The following PIAS4 variants were observed in gnomAD, a reference collection of about 807,000 sequenced individuals.
The protein encoded by PIAS4 is protein inhibitor of activated STAT 4.
A neutral mutation model predicts 58.0 loss-of-function variants in PIAS4; 7 were observed. The observed-to-expected ratio is 0.12, with a 90% CI of 0.07 to 0.23. PIAS4 has a LOEUF of 0.23. Ranked by LOEUF, PIAS4 falls within the 10% of genes least tolerant of loss-of-function variation. PIAS4 has a pLI of 1.00. For synonymous variants in PIAS4, 364 were observed against 312.4 expected (o/e 1.17, Z -1.74); for missense variants, 550 against 709.5 (o/e 0.78, Z 2.55).
Position 4,033,164 on chromosome 19 carries a change from C to T in PIAS4, c.972C>T (p.Leu324=). 6.2e-7 allele frequency: 1 copy of T among 1,610,076 alleles called. No individual in the cohort carries two copies. Among genetic ancestry groups the T allele is most frequent in the East Asian group, 2.2e-5 (1 of 44,862 alleles). Residue 324 remains leucine (L), a synonymous_variant, in exon 8 of 11, where the codon CTC becomes CTT. Coordinates refer to ENST00000262971, the MANE Select transcript of PIAS4 (RefSeq NM_015897.4). ...EIATTGVRVS[L]ICPLVKMRLS... is the part of the protein sequence containing the mutation. ...CCACCACCGGTGTGCGGGTGTCCCT[C>T]ATCTGTCCGGTGAGTCGGGGCGCGG... is the stretch of plus-strand genomic sequence containing the variant.
chr19:4,016,165 C>T (rs552410991), intron 2 of PIAS4, among the ~76,000 whole-genome samples: 23 of 152,352 alleles, frequency 1.5e-4, no homozygotes, highest in Middle Eastern at 3.4e-3. Flanking sequence ...TTCCAGCCTG[C>T]GCCACCTGGG....
intron 7 of PIAS4, among the ~76,000 whole-genome samples, chr19:4,029,399 C>T (rs1183350205): frequency 1.3e-5 from 2 of 152,098 alleles, no homozygotes; most frequent in Admixed American, 1.3e-4. Flanking sequence ...TCTAAGCAGC[C>T]CCTTCTCGTT....
At chr19:4,024,192 A>G (rs2040139791) in intron 3 of PIAS4, 72 bp downstream of exon 3, 1 of 1,144,658 alleles carries the variant, frequency 8.7e-7, no homozygotes. Flanking sequence ...CACTGGGGAG[A>G]GCCGGCAGCC....
intron 9 of PIAS4, among the ~76,000 whole-genome samples, chr19:4,036,744 C>G (rs2144947340): frequency 6.7e-6 from 1 of 148,290 alleles, no homozygotes; most frequent in South Asian, 2.1e-4. Flanking sequence ...CCATCACATG[C>G]ACACACACAT....
chr19:4,025,946 C>T (rs1183481463), intron 3 of PIAS4, among the ~76,000 whole-genome samples: 4 of 151,078 alleles, frequency 2.6e-5, no homozygotes, highest in Non-Finnish European at 5.9e-5. Flanking sequence ...TGGTGACGGG[C>T]GCCTGTAGTC....
intron 3 of PIAS4, among the ~76,000 whole-genome samples, chr19:4,024,336 G>A (rs1319947012): frequency 6.6e-6 from 1 of 152,242 alleles, no homozygotes; most frequent in Non-Finnish European, 1.5e-5. Context: ...GTGCCCTGCA[G>A]CCTGCTAGAG....
chr19:4,034,012 C>T lies in PIAS4; in HGVS notation c.1142+432C>T, dbSNP rs983229760. On this transcript the variant is annotated intron_variant, in intron 9 of 10. Transcript: ENST00000262971. ...CTGGAGCACTCTGGCTACGCCATGC[C>T]CTTCCCTTCCTAGGTGGCACAGCTG... is the stretch of plus-strand genomic sequence containing the variant. Among the ~76,000 whole-genome samples, 4 of 152,212 alleles carry T rather than the reference C, an allele frequency of 2.6e-5. No homozygotes were observed. In the East Asian group the frequency reaches 7.7e-4, roughly 29 times the overall value.
intron 1 of PIAS4, among the ~76,000 whole-genome samples, chr19:4,012,651 A>G (rs1345418200): frequency 6.6e-6 from 1 of 152,132 alleles, no homozygotes; most frequent in Non-Finnish European, 1.5e-5. Context: ...GAAGACAGGG[A>G]AAGAGAACCT....
intron 2 of PIAS4, chr19:4,017,692 T>TTTC (rs1326342754): frequency 6.7e-6 from 1 of 149,060 alleles, no homozygotes; most frequent in Non-Finnish European, 1.5e-5. Context: ...TTTTTTTTTT[T>TTTC]TTTTTTTGAG....
intron 7 of PIAS4, among the ~76,000 whole-genome samples, chr19:4,031,454 G>A (rs1193699321): frequency 6.6e-6 from 1 of 152,194 alleles, no homozygotes; most frequent in African/African-American, 2.4e-5. Context: ...GGGACACTGA[G>A]GCACAGAGTG....
intron 4 of PIAS4, 60 bp from the exon 5 acceptor site, chr19:4,028,450 A>G (rs981575667): frequency 1.6e-6 from 2 of 1,247,328 alleles, no homozygotes; most frequent in African/African-American, 3.0e-5. Context: ...GTACCCCCGC[A>G]GCAGCCTAGT....
rs954712134 is a variant in PIAS4, at chr19:4,013,987, G to A, written c.454+638G>A. Among the ~76,000 whole-genome samples, 2 of 152,176 alleles carry A rather than the reference G, an allele frequency of 1.3e-5. No homozygotes were observed. The highest frequency in any genetic ancestry group is 2.4e-5 in the African/African-American group (1 of 41,442). ...CCAGGCTGTGACTGCCAGGGCCAGGGGTGACCAGGGCCACCTGGGAGCCTG... is the reference window on the plus strand; with the variant it reads ...CCAGGCTGTGACTGCCAGGGCCAGGAGTGACCAGGGCCACCTGGGAGCCTG... On this transcript the variant is annotated intron_variant, in intron 2 of 10. Transcript: ENST00000262971. This position sits in a 1 kb window ranked among gnomAD's most constrained non-coding sequence, Gnocchi z 5.1.
chr19:4,025,070 A>T (rs1247955568), intron 3 of PIAS4, among the ~76,000 whole-genome samples: 1 of 152,198 alleles, frequency 6.6e-6, no homozygotes, highest in African/African-American at 2.4e-5. Context: ...GGCGGAAGTC[A>T]GGTTTTTTCC....
At chr19:4,014,778 G>A (rs1364749881) in intron 2 of PIAS4, among the ~76,000 whole-genome samples, 2 of 152,182 alleles carry the variant, frequency 1.3e-5, no homozygotes, top group Non-Finnish European at 2.9e-5. Context: ...TTGGGTGCCA[G>A]CTGGCCCCCG....
chr19:4,013,374 GCGACTGGAGGCTT>G lies in PIAS4; in HGVS notation c.454+27_454+39del. On this transcript the variant is annotated intron_variant, in intron 2 of 10. Coordinates refer to ENST00000262971, the MANE Select transcript of PIAS4 (RefSeq NM_015897.4). The surrounding 1 kb of genome is among the most constrained non-coding windows in gnomAD (Gnocchi z 5.1). The stretch of plus-strand genomic sequence containing the variant: ...GGTGAGTGGTCACCCTGGGGAGGCT[GCGACTGGAGGCTT>G]CACCTAGGCCCCGTCGCCCAGCCCA... The G allele has an allele frequency of 6.3e-7, 1 of 1,587,154 alleles. No homozygotes were observed. Among genetic ancestry groups the G allele is most frequent in the Non-Finnish European group, 8.6e-7 (1 of 1,161,864 alleles).
intron 2 of PIAS4, among the ~76,000 whole-genome samples, chr19:4,023,602 C>T (rs1302115867): frequency 1.3e-5 from 2 of 152,212 alleles, no homozygotes; most frequent in Admixed American, 1.3e-4. Flanking sequence ...CCCCCCGCAC[C>T]ACCTCTGTCC....
chr19:4,007,860 T>G, intron 1 of PIAS4, 73 bp downstream of exon 1: 1 of 1,123,382 alleles, frequency 8.9e-7, no homozygotes, highest in Non-Finnish European at 1.1e-6. Flanking sequence ...GGTCGAGGTC[T>G]GCGCCTTCTG....
At chr19:4,010,275 C>G (rs1488546050) in intron 1 of PIAS4, among the ~76,000 whole-genome samples, 1 of 152,160 alleles carries the variant, frequency 6.6e-6, no homozygotes, top group African/African-American at 2.4e-5. Flanking sequence ...ATATGGCCAC[C>G]TAAGGGGTGT....
chr19:4,031,498 G>A lies in PIAS4; in HGVS notation c.908-1602G>A, dbSNP rs189145379. 3.3e-5 allele frequency among the ~76,000 whole-genome samples: 5 copies of A among 152,278 alleles called. No individual in the cohort carries two copies. The East Asian group carries it at 7.8e-4, about 24-fold the overall frequency. ...AGGGTTCTGTGTCCTGGGTTACCCC[G>A]CCCCACCTCCCTCTTCCCTCAAAGG... On this transcript the variant is annotated intron_variant, in intron 7 of 10. Transcript: ENST00000262971.
Sources: gnomAD v4.1 joint callset for allele counts (sites outside exome capture counted in the v4.1 genomes callset) on GRCh38, gnomAD v4.1.1 for gene constraint, Gnocchi (gnomAD v3.1) non-coding constraint, MANE v1.5 for transcripts, NCBI Gene and HGNC (gene_info 2026-07-23, HGNC 2026-07-21) for gene names.